Variants in LMBRD2 observed in about 807,000 individuals in gnomAD.
LMBRD2 encodes the protein LMBR1 domain containing 2.
Under a neutral mutation model 94.4 loss-of-function variants are expected in LMBRD2, and 55 were observed. That is an observed-to-expected ratio of 0.58 (90% CI 0.47 to 0.73). LMBRD2 has a LOEUF of 0.73. Ranked by LOEUF, LMBRD2 falls within the 30% of genes least tolerant of loss-of-function variation. The pLI, the probability that LMBRD2 is intolerant of heterozygous loss-of-function variation, is 0.00. For missense variants in LMBRD2, 640 were observed against 831.9 expected (o/e 0.77, Z 2.84); for synonymous variants, 246 against 272.4 (o/e 0.90, Z 0.95).
In LMBRD2 at chr5:36,118,729, C is replaced by A. The variant is rs866429995; in HGVS notation, c.1121-813G>T. Among the ~76,000 whole-genome samples the A allele has an allele frequency of 2.0e-5, 3 of 151,472 alleles. No homozygotes were observed. The South Asian group carries it at 6.2e-4, about 31-fold the overall frequency. Reference sequence around the variant, plus strand: ...GCAGTGGCATGATCTCGGCTCACTGCAACCTCTGCCTCCGGGGTTTAAGTG... The same window carrying A: ...GCAGTGGCATGATCTCGGCTCACTGAAACCTCTGCCTCCGGGGTTTAAGTG... On this transcript the variant is annotated intron_variant, in intron 9 of 17. Coordinates refer to ENST00000296603, the MANE Select transcript of LMBRD2 (RefSeq NM_001007527.2).
At chr5:36,123,880 T>C (rs1049835011) in intron 7 of LMBRD2, among the ~76,000 whole-genome samples, 12 of 151,834 alleles carry the variant, frequency 7.9e-5, no homozygotes, top group African/African-American at 2.9e-4. Flanking sequence ...TTTATTTTCT[T>C]ATAGGAGATA....
intron 13 of LMBRD2, among the ~76,000 whole-genome samples, chr5:36,113,421 G>A (rs1743663257): frequency 6.6e-6 from 1 of 152,098 alleles, no homozygotes; most frequent in African/African-American, 2.4e-5. Context: ...GCTCCCAGCT[G>A]AATAAAGCCC....
At chr5:36,146,312 A>C (rs1440895252) in intron 1 of LMBRD2, among the ~76,000 whole-genome samples, 1 of 152,220 alleles carries the variant, frequency 6.6e-6, no homozygotes, top group Non-Finnish European at 1.5e-5. Flanking sequence ...TTAGGGTCAC[A>C]CAAGTTTAAA....
intron 7 of LMBRD2, among the ~76,000 whole-genome samples, chr5:36,123,270 T>C (rs184656988): frequency 6.6e-6 from 1 of 152,226 alleles, no homozygotes; most frequent in East Asian, 1.9e-4. Context: ...TTATTCTAAG[T>C]AGGATAAATT....
intron 15 of LMBRD2, 115 bp downstream of exon 15, chr5:36,109,830 A>G (rs1743561190): frequency 1.3e-6 from 1 of 741,650 alleles, no homozygotes; most frequent in African/African-American, 1.8e-5. Flanking sequence ...TATATCTTAT[A>G]ACATTTTTCC....
chr5:36,105,363 G>A (rs1046686102), intron 16 of LMBRD2, among the ~76,000 whole-genome samples, 166 bp from the exon 17 acceptor site: 4 of 152,082 alleles, frequency 2.6e-5, no homozygotes, highest in Admixed American at 6.6e-5. Flanking sequence ...AAAATTATAA[G>A]CAGTATAATA....
At chr5:36,121,485 A>G (rs532737506) in intron 9 of LMBRD2, among the ~76,000 whole-genome samples, 163 of 152,312 alleles carry the variant, frequency 1.1e-3, no homozygotes, top group Admixed American at 2.0e-3. Flanking sequence ...TAAATTTGAC[A>G]ATACTTGAAG....
Position 36,109,976 on chromosome 5 carries a change from T to A in LMBRD2, c.1760A>T (p.Gln587Leu). The A allele has an allele frequency of 6.2e-7, 1 of 1,608,686 alleles. No homozygotes were observed. The highest frequency in any genetic ancestry group is 8.5e-7 in the Non-Finnish European group (1 of 1,175,804). ...ELIRKEKRKR[Q>L]RQEEGENRRR... ...TCGATTTTCACCTTCTTCTTGCCTT[T>A]GCCTTTTTCTCTTCTCTAAAGACAG... Residue 587 changes from glutamine to leucine, a missense_variant, in exon 15 of 18, where the codon CAA becomes CTA. Physicochemically the swap from Gln to Leu is moderately radical, Grantham distance 113. Around this residue, in one of 2 missense-constraint regions of LMBRD2, gnomAD observed 183 missense variants for 189.1 expected, o/e 0.97. Transcript: ENST00000296603.
rs1304560333 is a variant in LMBRD2 at position 36,103,267 on chromosome 5, A to C, written c.*779T>G. ...GGATTTATCCTTGAATATCATAATC[A>C]ACATTTAAATCAATATGTTAAATGA... On this transcript the variant is annotated 3_prime_UTR_variant, in exon 18 of 18. Coordinates refer to ENST00000296603, the MANE Select transcript of LMBRD2 (RefSeq NM_001007527.2). The C allele has an allele frequency of 6.6e-6, 1 of 152,310 alleles. No individual in the cohort carries two copies. The highest frequency in any genetic ancestry group is 1.5e-5 in the Non-Finnish European group (1 of 67,798). The allele number at this position is 152,310 out of a possible 1,614,324, so 9.4% of individuals were successfully genotyped here.
Position 36,124,259 on chromosome 5 carries a change from G to A in LMBRD2, c.754C>T (p.Arg252Cys), listed in dbSNP as rs139182630. The change falls in exon 7 of 18, where the codon CGT (arginine) becomes TGT (cysteine). Residue 252 changes from arginine to cysteine, a missense_variant. Arg to Cys is a radical substitution (Grantham distance 180, BLOSUM62 -3). This residue lies in a region of LMBRD2 where 457 missense variants were observed against 642.8 expected (regional missense o/e 0.71). Transcript: ENST00000296603. ...ENLEDAMEEV[R>C]KVNESIKYNH... The stretch of plus-strand genomic sequence containing the variant: ...TACTTGATGCTTTCATTCACTTTAC[G>A]AACCTCCTATAAAAACAGTAAAATA... The A allele has an allele frequency of 1.5e-5, 23 of 1,564,594 alleles. No individual in the cohort carries two copies. Among genetic ancestry groups the A allele is most frequent in the Admixed American group, 1.7e-5 (1 of 59,294 alleles).
At chr5:36,113,916 A>G (rs1743675781) in intron 13 of LMBRD2, among the ~76,000 whole-genome samples, 1 of 152,168 alleles carries the variant, frequency 6.6e-6, no homozygotes, top group African/African-American at 2.4e-5. Flanking sequence ...CATGCCATGT[A>G]CTTTATGACA....
chr5:36,144,332 C>T (rs1280922778), intron 1 of LMBRD2, among the ~76,000 whole-genome samples: 2 of 152,104 alleles, frequency 1.3e-5, no homozygotes, highest in Non-Finnish European at 2.9e-5. Context: ...CTACATACTA[C>T]AGTATTTCAA....
chr5:36,145,180 T>G (rs994167768), intron 1 of LMBRD2, among the ~76,000 whole-genome samples: 1 of 152,218 alleles, frequency 6.6e-6, no homozygotes, highest in Non-Finnish European at 1.5e-5. Context: ...AAATATTTGT[T>G]GAAATAATAA....
At chr5:36,107,581 G>C (rs1257600440) in intron 16 of LMBRD2, among the ~76,000 whole-genome samples, 1 of 152,174 alleles carries the variant, frequency 6.6e-6, no homozygotes, top group African/African-American at 2.4e-5. Context: ...TGTTGCTTTA[G>C]TTTCCTTAAG....
chr5:36,117,892 C>G lies in LMBRD2; in HGVS notation c.1145G>C (p.Arg382Pro). 1 of 1,610,286 alleles carries G rather than the reference C, an allele frequency of 6.2e-7. No individual in the cohort carries two copies. Among genetic ancestry groups the G allele is most frequent in the Non-Finnish European group, 8.5e-7 (1 of 1,178,704 alleles). ...AGCAAGTATCTTGTAAAACCATGGT[C>G]GCAAAAGACATTCCCAGTACCATTC... Reference protein sequence around the residue: ...TFEWYWECLLRPWFYKILAVV... With the variant: ...TFEWYWECLLPPWFYKILAVV... The change falls in exon 10 of 18, where the codon CGA becomes CCA. Residue 382 changes from arginine (R) to proline (P), a missense_variant. Coordinates refer to ENST00000296603, the MANE Select transcript of LMBRD2 (RefSeq NM_001007527.2).
rs750866539 is a variant in LMBRD2 at position 36,136,296 on chromosome 5, C to A, written c.747+13G>T. On this transcript the variant is annotated intron_variant, in intron 6 of 17. Coordinates refer to ENST00000296603, the MANE Select transcript of LMBRD2 (RefSeq NM_001007527.2). ...CTTAGTGACTATTGCTTATAAGGTT[C>A]AAACTTGCTTACCTCCATGGCATCT... 6 of 1,613,126 alleles carry A rather than the reference C, an allele frequency of 3.7e-6. No homozygotes were observed. The highest frequency in any genetic ancestry group is 5.1e-6 in the Non-Finnish European group (6 of 1,179,128).
chr5:36,141,046 TGAAA>T, intron 4 of LMBRD2, 57 bp downstream of exon 4: 2 of 878,238 alleles, frequency 2.3e-6, no homozygotes, highest in South Asian at 2.9e-5. Context: ...CTATATTGAT[TGAAA>T]AACATTTTAT....
chr5:36,124,899 A>T (rs1048413370), intron 6 of LMBRD2, among the ~76,000 whole-genome samples: 1 of 152,108 alleles, frequency 6.6e-6, no homozygotes, highest in South Asian at 2.1e-4. Context: ...AAATACAAAC[A>T]TTAGCCAGTC....
chr5:36,123,048 CA>C, intron 7 of LMBRD2, 87 bp from the exon 8 acceptor site: 1 of 1,282,412 alleles, frequency 7.8e-7, no homozygotes, highest in Non-Finnish European at 1.0e-6. Context: ...CATTCTTGAG[CA>C]GTTCTAATTT....
Sources: gnomAD v4.1 joint callset for allele counts (sites outside exome capture counted in the v4.1 genomes callset) on GRCh38, gnomAD v4.1.1 for gene constraint, gnomAD v4.1.1 regional missense constraint, MANE v1.5 for transcripts, NCBI Gene and HGNC (gene_info 2026-07-23, HGNC 2026-07-21) for gene names.